FBXL7: variants seen among roughly 807,000 people sequenced by gnomAD.
FBXL7 encodes F-box/LRR-repeat protein 7.
In FBXL7, 12 loss-of-function variants were observed where a neutral mutation model predicts 38.3. That is an observed-to-expected ratio of 0.31 (90% CI 0.20 to 0.51). The LOEUF (loss-of-function observed/expected upper bound fraction) is 0.51. FBXL7 is among the 20% of genes least tolerant of loss of function. The pLI is 0.98. For missense variants in FBXL7, 567 were observed against 676.4 expected, an observed-to-expected ratio of 0.84 and a Z score of 1.79; for synonymous variants, 297 against 300.9, an observed-to-expected ratio of 0.99 and a Z score of 0.13.
chr5:15,935,794 G>C (rs1249210819), intron 3 of FBXL7, among the ~76,000 whole-genome samples: 2 of 152,186 alleles, frequency 1.3e-5, no homozygotes, highest in African/African-American at 4.8e-5. Context: ...ATGCATATCT[G>C]TTCTCTCATT....
chr5:15,886,833 T>C (rs1740697868), intron 2 of FBXL7, among the ~76,000 whole-genome samples: 1 of 152,228 alleles, frequency 6.6e-6, no homozygotes. Context: ...CTCAGACATT[T>C]TCCAAGAATC....
intron 1 of FBXL7, among the ~76,000 whole-genome samples, chr5:15,507,572 C>A (rs1289246680): frequency 6.6e-6 from 1 of 152,124 alleles, no homozygotes; most frequent in African/African-American, 2.4e-5. Flanking sequence ...TTTGGTAGAA[C>A]TTTCTAGGTA....
chr5:15,559,998 A>G (rs1738364894), intron 1 of FBXL7, among the ~76,000 whole-genome samples: 1 of 152,216 alleles, frequency 6.6e-6, no homozygotes, highest in South Asian at 2.1e-4. Context: ...CATGATTGTT[A>G]GGTACATGCC....
intron 2 of FBXL7, among the ~76,000 whole-genome samples, chr5:15,879,654 A>G (rs777892440): frequency 3.9e-5 from 6 of 152,224 alleles, no homozygotes; most frequent in Non-Finnish European, 8.8e-5. Context: ...CTACAAGCCC[A>G]TGACACTTAA....
At chr5:15,840,249 T>A (rs192626004) in intron 2 of FBXL7, among the ~76,000 whole-genome samples, 19 of 152,310 alleles carry the variant, frequency 1.2e-4, no homozygotes, top group African/African-American at 4.1e-4. Flanking sequence ...TTTATGTGCT[T>A]TTTATTCTGT....
intron 2 of FBXL7, among the ~76,000 whole-genome samples, chr5:15,658,112 A>G (rs1233263130): frequency 1.3e-5 from 2 of 152,164 alleles, no homozygotes; most frequent in Non-Finnish European, 2.9e-5. Flanking sequence ...TGTGGGAATC[A>G]GCAATGGAAT....
chr5:15,842,449 C>T (rs1738775607), intron 2 of FBXL7, among the ~76,000 whole-genome samples: 1 of 152,134 alleles, frequency 6.6e-6, no homozygotes, highest in South Asian at 2.1e-4. Context: ...AAGGGACTTG[C>T]CTTGTCTCAG....
At chr5:15,845,369 G>A (rs1372411676) in intron 2 of FBXL7, among the ~76,000 whole-genome samples, 4 of 152,044 alleles carry the variant, frequency 2.6e-5, no homozygotes, top group Non-Finnish European at 4.4e-5. Flanking sequence ...TAGATGTTCT[G>A]ATAGGATTTT....
chr5:15,677,715 AATAAC>A (rs1295175711), intron 2 of FBXL7, among the ~76,000 whole-genome samples: 2 of 152,174 alleles, frequency 1.3e-5, no homozygotes, highest in Non-Finnish European at 2.9e-5. Context: ...TTTTCAATAA[AATAAC>A]ATGTCTCAGG....
At chr5:15,870,979 C>A (rs1561163787) in intron 2 of FBXL7, among the ~76,000 whole-genome samples, 1 of 152,246 alleles carries the variant, frequency 6.6e-6, no homozygotes, top group Non-Finnish European at 1.5e-5. Context: ...AGACTGCCTC[C>A]TCAAGTGGGT....
chr5:15,592,452 G>A (rs1739508811), intron 1 of FBXL7, among the ~76,000 whole-genome samples: 2 of 152,144 alleles, frequency 1.3e-5, no homozygotes, highest in South Asian at 2.1e-4. Context: ...AAGATTTAAT[G>A]TCAGATTATA....
At chr5:15,836,515 G>T (rs1006235754) in intron 2 of FBXL7, among the ~76,000 whole-genome samples, 6 of 152,116 alleles carry the variant, frequency 3.9e-5, no homozygotes, top group African/African-American at 1.4e-4. Context: ...TTGGAATAAA[G>T]ATTTGCATGA....
At chr5:15,796,640 C>T (rs1391166833) in intron 2 of FBXL7, among the ~76,000 whole-genome samples, 1 of 152,130 alleles carries the variant, frequency 6.6e-6, no homozygotes, top group African/African-American at 2.4e-5. Flanking sequence ...TATACCCTGC[C>T]GTGACATCCA....
At chr5:15,690,258 C>T (rs1743140700) in intron 2 of FBXL7, among the ~76,000 whole-genome samples, 1 of 152,108 alleles carries the variant, frequency 6.6e-6, no homozygotes, top group Non-Finnish European at 1.5e-5. Flanking sequence ...AACCAAAACC[C>T]AATTCAATTA....
chr5:15,551,478 A>G (rs1368755649), intron 1 of FBXL7, among the ~76,000 whole-genome samples: 1 of 152,186 alleles, frequency 6.6e-6, no homozygotes, highest in East Asian at 1.9e-4. Flanking sequence ...AAGAGCAAGA[A>G]TTTTCCTCTT....
At chr5:15,774,683 A>G (rs1381851514) in intron 2 of FBXL7, among the ~76,000 whole-genome samples, 3 of 152,248 alleles carry the variant, frequency 2.0e-5, no homozygotes, top group Admixed American at 6.5e-5. Flanking sequence ...GAATCTTGAT[A>G]TAAGCTTAAA....
At chr5:15,775,730 T>C (rs1736840585) in intron 2 of FBXL7, among the ~76,000 whole-genome samples, 1 of 152,182 alleles carries the variant, frequency 6.6e-6, no homozygotes, top group African/African-American at 2.4e-5. Context: ...GCCAGGAATG[T>C]CTGCTGCACA....
At chr5:15,628,768 A>G (rs1740901861) in intron 2 of FBXL7, among the ~76,000 whole-genome samples, 1 of 152,120 alleles carries the variant, frequency 6.6e-6, no homozygotes, top group Non-Finnish European at 1.5e-5. Context: ...CATTATTCCC[A>G]TTATTAAAAA....
intron 2 of FBXL7, among the ~76,000 whole-genome samples, chr5:15,922,967 T>C (rs988243032): frequency 6.6e-6 from 1 of 152,222 alleles, no homozygotes; most frequent in Non-Finnish European, 1.5e-5. Context: ...GGCATGAAAG[T>C]ATGTTCATAC....
Sources: allele counts gnomAD v4.1 joint callset (sites outside exome capture counted in the v4.1 genomes callset), GRCh38; gene constraint gnomAD v4.1.1; transcripts MANE v1.5; gene names NCBI Gene and HGNC (gene_info 2026-07-23, HGNC 2026-07-21).